The following ARHGEF10L variants were observed in gnomAD, a reference collection of about 807,000 sequenced individuals.
The protein encoded by ARHGEF10L is Rho guanine nucleotide exchange factor 10 like.
ARHGEF10L carries 69 observed loss-of-function variants against 141.2 expected under a neutral mutation model. That is an observed-to-expected ratio of 0.49 (90% confidence interval 0.40 to 0.60). The LOEUF is 0.60. Among genes scored for constraint, ARHGEF10L ranks in the 20% least tolerant of loss-of-function variants. The probability of loss-of-function intolerance (pLI) is 0.00; values close to 1 mark genes in which losing one functional copy is unlikely to be tolerated. For missense variants in ARHGEF10L, 1,482 were observed against 1,734.3 expected (o/e 0.85, Z 2.58); for synonymous variants, 711 against 718.5 (o/e 0.99, Z 0.17).
intron 1 of ARHGEF10L, among the ~76,000 whole-genome samples, chr1:17,543,595 T>A (rs967292760): frequency 4.5e-4 from 67 of 147,988 alleles, no homozygotes; most frequent in African/African-American, 1.3e-3. Context: ...AAAAAAAAAA[T>A]TTTTTTTGAG....
intron 1 of ARHGEF10L, among the ~76,000 whole-genome samples, chr1:17,542,042 G>C (rs2076747129): frequency 1.3e-5 from 2 of 152,136 alleles, no homozygotes; most frequent in African/African-American, 4.8e-5. Flanking sequence ...GGGAGGCTGA[G>C]GTGGGAGGGT....
Position 17,656,055 on chromosome 1 carries a change from C to G in ARHGEF10L, c.2658C>G (p.Pro886=). Reference sequence around the variant, plus strand: ...ACGAGAGCCCGACAGTTGCTGACCCCTCGGCCACGGTGCATCCAACCATCT... The same window carrying G: ...ACGAGAGCCCGACAGTTGCTGACCCGTCGGCCACGGTGCATCCAACCATCT... ...SRDESPTVAD[P]SATVHPTICL... is the part of the protein sequence containing the mutation. Residue 886 remains proline (P), a synonymous_variant, in exon 24 of 29, where the codon CCC becomes CCG. Transcript: ENST00000361221. This position sits in a 1 kb window ranked among gnomAD's most constrained non-coding sequence, Gnocchi z 4.9. The G allele has an allele frequency of 6.4e-7, 1 of 1,565,660 alleles. No individual in the cohort carries two copies. Among genetic ancestry groups the G allele is most frequent in the Non-Finnish European group, 8.7e-7 (1 of 1,154,720 alleles).
intron 26 of ARHGEF10L, among the ~76,000 whole-genome samples, chr1:17,676,627 G>A (rs1484482700): frequency 6.6e-6 from 1 of 151,990 alleles, no homozygotes; most frequent in Non-Finnish European, 1.5e-5. Context: ...CTGCTATGAG[G>A]CAGACGTGAT....
In ARHGEF10L at chr1:17,602,194, T is replaced by C. The variant is rs1261389099; in HGVS notation, c.325T>C (p.Trp109Arg). Residue 109 changes from tryptophan (W) to arginine (R), a missense_variant, in exon 5 of 29, where the codon TGG (tryptophan) becomes CGG (arginine). By Grantham distance (101) the Trp-to-Arg change is moderately radical (BLOSUM62 -3). Transcript: ENST00000361221. ...CTTCTCCGGGGCCCGGCACTCCAGC[T>C]GGAAGCGGAAGAGTTCCCGTCGCAG... ...AAFSGARHSSWKRKSSRRIDR... is the reference protein window; with the variant it reads ...AAFSGARHSSRKRKSSRRIDR... The C allele has an allele frequency of 6.3e-7, 1 of 1,578,796 alleles. No homozygotes were observed. Among genetic ancestry groups the C allele is most frequent in the Non-Finnish European group, 8.6e-7 (1 of 1,162,102 alleles).
chr1:17,521,892 C>T, the ARHGEF10L span, among the ~76,000 whole-genome samples: 1 of 152,066 alleles, frequency 6.6e-6, no homozygotes, highest in South Asian at 2.1e-4. Flanking sequence ...GCTGGTTGGC[C>T]TCCTGGGGCT....
chr1:17,630,468 G>C (rs913051490), intron 15 of ARHGEF10L, among the ~76,000 whole-genome samples: 4 of 152,232 alleles, frequency 2.6e-5, no homozygotes, highest in Non-Finnish European at 5.9e-5. Flanking sequence ...GTTGGCGTTT[G>C]GTTTCCTTGT....
chr1:17,534,693 G>T, the ARHGEF10L span, among the ~76,000 whole-genome samples: 1 of 150,596 alleles, frequency 6.6e-6, no homozygotes, highest in Non-Finnish European at 1.5e-5. Flanking sequence ...GGGTTCAAGT[G>T]ATTCTCCTGC....
intron 1 of ARHGEF10L, among the ~76,000 whole-genome samples, chr1:17,547,811 C>T (rs1370969937): frequency 6.6e-6 from 1 of 152,164 alleles, no homozygotes; most frequent in South Asian, 2.1e-4. Flanking sequence ...TGAAGACAGC[C>T]TCTCTCAATA....
intron 22 of ARHGEF10L, among the ~76,000 whole-genome samples, chr1:17,649,144 A>G (rs981013947): frequency 2.0e-5 from 3 of 152,208 alleles, no homozygotes; most frequent in African/African-American, 7.2e-5. Context: ...TCTTATTTTA[A>G]TATCTATAAG....
At chr1:17,599,104 G>A (rs999876011) in intron 4 of ARHGEF10L, among the ~76,000 whole-genome samples, 3 of 152,158 alleles carry the variant, frequency 2.0e-5, no homozygotes, top group African/African-American at 7.2e-5. Flanking sequence ...GGGAGGCCAA[G>A]GTGGGCAGAT....
the ARHGEF10L span, among the ~76,000 whole-genome samples, chr1:17,519,385 G>A: frequency 1.3e-5 from 2 of 152,094 alleles, no homozygotes; most frequent in African/African-American, 4.8e-5. Flanking sequence ...CTAGGCAGGA[G>A]GATCACTTGA....
chr1:17,535,355 C>A (rs1454340851), upstream of ARHGEF10L, among the ~76,000 whole-genome samples: 1 of 152,198 alleles, frequency 6.6e-6, no homozygotes, highest in African/African-American at 2.4e-5. Flanking sequence ...TGCTTACCTG[C>A]CACTCCCCTC....
chr1:17,645,638 C>T (rs2061555778), intron 21 of ARHGEF10L, among the ~76,000 whole-genome samples: 1 of 152,082 alleles, frequency 6.6e-6, no homozygotes. Flanking sequence ...TCTTTATTTG[C>T]TGCCCAGGGG....
chr1:17,619,546 G>A lies in ARHGEF10L; in HGVS notation c.942+101G>A, dbSNP rs574752867. The A allele has an allele frequency of 1.0e-6, 1 of 959,786 alleles. No homozygotes were observed. Among genetic ancestry groups the A allele is most frequent in the Non-Finnish European group, 1.5e-6 (1 of 654,780 alleles). 59.5% of individuals were successfully genotyped at this position (959,786 alleles called of 1,614,324 possible). On this transcript the variant is annotated intron_variant, in intron 10 of 28. Coordinates refer to ENST00000361221, the MANE Select transcript of ARHGEF10L (RefSeq NM_018125.4). The surrounding 1 kb of genome is among the most constrained non-coding windows in gnomAD (Gnocchi z 5.0). Reference sequence around the variant, plus strand: ...CCACGCTTGTCTGGATCTCACAGGGGATATGATGACTGGGGGCTCTTGGCA... The same window carrying A: ...CCACGCTTGTCTGGATCTCACAGGGAATATGATGACTGGGGGCTCTTGGCA...
At chr1:17,557,144 A>G (rs2077361392) in intron 1 of ARHGEF10L, among the ~76,000 whole-genome samples, 1 of 152,022 alleles carries the variant, frequency 6.6e-6, no homozygotes, top group East Asian at 1.9e-4. Flanking sequence ...GGAGTTTGAG[A>G]CCAGCCTGGG....
At chr1:17,696,750 A>C in intron 28 of ARHGEF10L, 98 bp from the exon 29 acceptor site, 1 of 1,317,178 alleles carries the variant, frequency 7.6e-7, no homozygotes, top group Non-Finnish European at 1.0e-6. Flanking sequence ...GACCCCCCCA[A>C]ATACCCACCC....
At chr1:17,628,385 C>T (rs932958520) in intron 15 of ARHGEF10L, among the ~76,000 whole-genome samples, 4 of 152,098 alleles carry the variant, frequency 2.6e-5, no homozygotes, top group Non-Finnish European at 5.9e-5. Context: ...TGTAGAGGAG[C>T]CTGTTTTTAA....
rs1437094903 is a variant in ARHGEF10L at position 17,697,085 on chromosome 1, A to C, written c.3545A>C (p.His1182Pro). The stretch of plus-strand genomic sequence containing the variant: ...CAGTACCGCCTGCGCTCCACCGCAC[A>C]CCTCCCGGGCCCGCTGCTCTCCATG... The part of the protein sequence containing the change: ...LLQYRLRSTA[H>P]LPGPLLSMRE... The change falls in exon 29 of 29, where the codon CAC (histidine) becomes CCC (proline). Residue 1182 changes from histidine (H) to proline (P), a missense_variant. Physicochemically the swap from His to Pro is moderately conservative, Grantham distance 77 (BLOSUM62 -2). Around this residue, in one of 3 missense-constraint regions of ARHGEF10L, gnomAD observed 858 missense variants for 966.3 expected, o/e 0.89. Coordinates refer to ENST00000361221, the MANE Select transcript of ARHGEF10L (RefSeq NM_018125.4). This position sits in a 1 kb window ranked among gnomAD's most constrained non-coding sequence, Gnocchi z 4.8. 6.2e-7 allele frequency: 1 copy of C among 1,606,166 alleles called. No homozygotes were observed. Among genetic ancestry groups the C allele is most frequent in the Admixed American group, 1.7e-5 (1 of 59,688 alleles).
chr1:17,647,419 C>T (rs57466073), intron 21 of ARHGEF10L, among the ~76,000 whole-genome samples: 4,296 of 152,300 alleles, frequency 0.028, 202 homozygotes, highest in East Asian at 0.24. Flanking sequence ...GTCTTCATCA[C>T]GCTCATCCCT....
Sources: allele counts gnomAD v4.1 joint callset (sites outside exome capture counted in the v4.1 genomes callset), GRCh38; gene constraint gnomAD v4.1.1; regional missense constraint gnomAD v4.1.1; non-coding constraint Gnocchi (gnomAD v3.1); transcripts MANE v1.5; gene names NCBI Gene and HGNC (gene_info 2026-07-23, HGNC 2026-07-21).